NR2F1-AS1: variants seen among roughly 807,000 people sequenced by gnomAD.
NR2F1-AS1 encodes NR2F1 regulatory antisense RNA 1.
At chr5:93,542,229 T>G (rs1338427437) in intron 4 of NR2F1-AS1, 2 of 151,492 alleles carry the variant, frequency 1.3e-5, no homozygotes, top group Non-Finnish European at 2.9e-5. Flanking sequence ...TGAAATAAAT[T>G]ACTTAGTATG....
chr5:93,559,695 G>A (rs1994550), intron 2 of NR2F1-AS1, among the ~76,000 whole-genome samples: 1 of 152,150 alleles, frequency 6.6e-6, no homozygotes, highest in African/African-American at 2.4e-5. Context: ...TTGTGTCTCA[G>A]GGAATAGGGT....
At chr5:93,535,333 T>A (rs1751817569) in intron 4 of NR2F1-AS1, among the ~76,000 whole-genome samples, 1 of 150,240 alleles carries the variant, frequency 6.7e-6, no homozygotes, top group African/African-American at 2.4e-5. Context: ...AGGAAAAAAT[T>A]TAAGTATTTT....
chr5:93,507,075 C>CT (rs1751199957), intron 4 of NR2F1-AS1, among the ~76,000 whole-genome samples: 2 of 151,892 alleles, frequency 1.3e-5, no homozygotes, highest in Non-Finnish European at 2.9e-5. Context: ...TGTAATCTGC[C>CT]ATATTAACAG....
intron 4 of NR2F1-AS1, among the ~76,000 whole-genome samples, chr5:93,464,828 G>A (rs1750189727): frequency 6.6e-6 from 1 of 152,180 alleles, no homozygotes; most frequent in South Asian, 2.1e-4. Flanking sequence ...CAACATCACT[G>A]ATGTTGGCCT....
intron 4 of NR2F1-AS1, among the ~76,000 whole-genome samples, chr5:93,449,680 G>C (rs1158826641): frequency 6.6e-6 from 1 of 152,030 alleles, no homozygotes; most frequent in Non-Finnish European, 1.5e-5. Context: ...GGCAAGAAAA[G>C]TGTTTTTACA....
At chr5:93,526,797 C>T (rs541339687) in intron 4 of NR2F1-AS1, among the ~76,000 whole-genome samples, 2 of 152,060 alleles carry the variant, frequency 1.3e-5, no homozygotes, top group African/African-American at 2.4e-5. Flanking sequence ...AATTTAACAC[C>T]CCTTCACGCT....
intron 4 of NR2F1-AS1, among the ~76,000 whole-genome samples, chr5:93,411,822 A>G (rs1748863639): frequency 6.6e-6 from 1 of 152,214 alleles, no homozygotes; most frequent in African/African-American, 2.4e-5. Flanking sequence ...CTTTATAAGC[A>G]GGAAAAGCCC....
intron 4 of NR2F1-AS1, among the ~76,000 whole-genome samples, chr5:93,515,387 C>A (rs1487381082): frequency 1.3e-5 from 2 of 151,818 alleles, no homozygotes; most frequent in Non-Finnish European, 2.9e-5. Flanking sequence ...AATGGTAGTT[C>A]TCCACTTCTT....
chr5:93,584,907 C>T (rs906620479), upstream of NR2F1-AS1: 2 of 139,710 alleles, frequency 1.4e-5, no homozygotes, highest in Non-Finnish European at 3.2e-5. Context: ...CCCGGCGGGC[C>T]CCCCGCCCCC....
rs546331683 is a variant in NR2F1-AS1, at chr5:93,444,700, C to G, written n.639-49158G>C. 2.0e-5 allele frequency among the ~76,000 whole-genome samples: 3 copies of G among 152,276 alleles called. No individual in the cohort carries two copies. The East Asian group carries it at 5.8e-4, about 29-fold the overall frequency. ...GAACTCAGCTCTGCACCAAGCAGAC[C>G]TAATAGACATCTACAGAACTCTCCA... is the stretch of plus-strand genomic sequence containing the variant. On this transcript the variant is annotated intron_variant and non_coding_transcript_variant, in intron 4 of 5. Coordinates refer to ENST00000660523, the Ensembl canonical transcript of NR2F1-AS1.
intron 4 of NR2F1-AS1, among the ~76,000 whole-genome samples, chr5:93,455,847 A>G (rs1425856475): frequency 1.3e-5 from 2 of 150,730 alleles, no homozygotes; most frequent in Non-Finnish European, 2.9e-5. Flanking sequence ...ACACACGCAC[A>G]CACACACACA....
intron 4 of NR2F1-AS1, among the ~76,000 whole-genome samples, chr5:93,529,498 C>T (rs1413893157): frequency 2.6e-5 from 4 of 152,128 alleles, no homozygotes; most frequent in East Asian, 1.9e-4. Flanking sequence ...TGCCTTAATA[C>T]TTTATTCACT....
intron 4 of NR2F1-AS1, among the ~76,000 whole-genome samples, chr5:93,483,886 A>G (rs1750656239): frequency 6.6e-6 from 1 of 152,224 alleles, no homozygotes; most frequent in South Asian, 2.1e-4. Flanking sequence ...TAAACTGTGA[A>G]GACATGATTA....
chr5:93,562,904 C>T (rs776120123), intron 2 of NR2F1-AS1, among the ~76,000 whole-genome samples: 11 of 152,240 alleles, frequency 7.2e-5, no homozygotes, highest in South Asian at 2.1e-4. Context: ...GAATCAAATA[C>T]AGAAAAATCT....
chr5:93,515,795 G>A (rs1751389861), intron 4 of NR2F1-AS1, among the ~76,000 whole-genome samples: 1 of 151,828 alleles, frequency 6.6e-6, no homozygotes, highest in Admixed American at 6.6e-5. Flanking sequence ...ACATGCAGCT[G>A]TACATCCAAG....
At chr5:93,423,385 A>G (rs944839514) in intron 4 of NR2F1-AS1, 3 of 152,180 alleles carry the variant, frequency 2.0e-5, no homozygotes, top group Non-Finnish European at 4.4e-5. Flanking sequence ...CATTCTCTCA[A>G]TTCAAATCAG....
chr5:93,552,840 T>G (rs1422266212), intron 4 of NR2F1-AS1, among the ~76,000 whole-genome samples: 1 of 152,166 alleles, frequency 6.6e-6, no homozygotes, highest in Non-Finnish European at 1.5e-5. Flanking sequence ...GTATATATAC[T>G]TCATGATTAT....
chr5:93,476,197 T>C (rs895636966), intron 4 of NR2F1-AS1, among the ~76,000 whole-genome samples: 1 of 152,194 alleles, frequency 6.6e-6, no homozygotes, highest in African/African-American at 2.4e-5. Flanking sequence ...TGAACATGCA[T>C]GTCATAAATT....
At chr5:93,582,271 TAAAA>T (rs752563970), upstream of NR2F1-AS1, among the ~76,000 whole-genome samples, 3 of 131,062 alleles carry the variant, frequency 2.3e-5, no homozygotes, top group Non-Finnish European at 3.3e-5. Flanking sequence ...AGCCAGGTGA[TAAAA>T]AAAAAAAAAA....
Sources: allele counts gnomAD v4.1 joint callset (sites outside exome capture counted in the v4.1 genomes callset), GRCh38; gene constraint gnomAD v4.1.1; transcripts MANE v1.5; gene names NCBI Gene and HGNC (gene_info 2026-07-23, HGNC 2026-07-21).